Variants in CTDP1 observed in about 807,000 individuals in gnomAD.
CTDP1 encodes RNA polymerase II subunit A C-terminal domain phosphatase.
In CTDP1, 47 loss-of-function variants were observed where a neutral mutation model predicts 91.8. The ratio of observed to expected loss-of-function variants is 0.51; its 90% CI spans 0.41 to 0.65. CTDP1 has a LOEUF of 0.65. Among genes scored for constraint, CTDP1 ranks in the 30% least tolerant of loss-of-function variants. The pLI, the probability that CTDP1 is intolerant of heterozygous loss-of-function variation, is 0.00. For missense variants in CTDP1, 1,272 were observed against 1,373.7 expected (o/e 0.93, Z 1.17); for synonymous variants, 656 against 598.5 (o/e 1.10, Z -1.40).
upstream of CTDP1, chr18:79,679,687 G>C: frequency 3.8e-6 from 2 of 531,460 alleles, no homozygotes; most frequent in South Asian, 3.3e-5. Flanking sequence ...CTTCACGGCC[G>C]GCACGCAGGG....
intron 4 of CTDP1, among the ~76,000 whole-genome samples, chr18:79,698,723 G>A (rs1004119369): frequency 1.3e-4 from 20 of 152,158 alleles, no homozygotes; most frequent in Admixed American, 2.0e-4. Flanking sequence ...GGACTCTGGC[G>A]TTAGATTTGG....
chr18:79,677,843 A>G (rs2085272158), upstream of CTDP1: 1 of 152,160 alleles, frequency 6.6e-6, no homozygotes, highest in Non-Finnish European at 1.5e-5. Flanking sequence ...TTCACCATCC[A>G]GTGGTCTGTA....
chr18:79,705,059 G>A (rs1568186774), intron 5 of CTDP1, 142 bp downstream of exon 5: 6 of 1,321,126 alleles, frequency 4.5e-6, no homozygotes, highest in African/African-American at 1.5e-5. Context: ...TGTGCAGGGG[G>A]TTGTGAGAGG....
intron 12 of CTDP1, among the ~76,000 whole-genome samples, chr18:79,750,925 G>C (rs1445247190): frequency 6.7e-6 from 1 of 149,536 alleles, no homozygotes; most frequent in East Asian, 2.0e-4. Flanking sequence ...GAGCGGGCTG[G>C]ACTCAGAGGC....
chr18:79,681,479 C>T lies in CTDP1; in HGVS notation c.314+1218C>T, dbSNP rs533099515. ...ATCCCTACTGAGGTTTCATTCTGTT[C>T]CTCTGATTGTACAGAAAGGGCTGCT... On this transcript the variant is annotated intron_variant, in intron 1 of 12. Transcript: ENST00000613122. 24 of 985,450 alleles carry T rather than the reference C, an allele frequency of 2.4e-5. No homozygotes were observed. In the African/African-American group the frequency reaches 3.7e-4, roughly 15 times the overall value. The allele number at this position is 985,450 out of a possible 1,614,324, so 61.0% of individuals were successfully genotyped here.
At chr18:79,729,803 G>A (rs568744929) in intron 11 of CTDP1, among the ~76,000 whole-genome samples, 29 of 152,328 alleles carry the variant, frequency 1.9e-4, no homozygotes, top group African/African-American at 6.7e-4. Context: ...CACATCCCAT[G>A]TCCTCCTGTA....
intron 1 of CTDP1, among the ~76,000 whole-genome samples, chr18:79,691,557 CGG>C (rs2085624787): frequency 8.4e-5 from 2 of 23,882 alleles, no homozygotes; most frequent in African/African-American, 3.9e-4. Flanking sequence ...GAGGAGTGGA[CGG>C]CTCCCAGGGT....
intron 12 of CTDP1, among the ~76,000 whole-genome samples, chr18:79,747,164 A>G (rs1355214403): frequency 6.6e-6 from 1 of 152,210 alleles, no homozygotes; most frequent in African/African-American, 2.4e-5. Context: ...TTACCCTAAA[A>G]TAGGTCACTG....
chr18:79,685,802 A>C (rs1229803566), intron 1 of CTDP1, among the ~76,000 whole-genome samples: 2 of 152,178 alleles, frequency 1.3e-5, no homozygotes, highest in Non-Finnish European at 2.9e-5. Flanking sequence ...GGAAATAAGG[A>C]CATTTCGTTT....
intron 12 of CTDP1, among the ~76,000 whole-genome samples, chr18:79,741,445 G>T (rs1009680979): frequency 1.3e-5 from 2 of 152,234 alleles, no homozygotes; most frequent in African/African-American, 4.8e-5. Context: ...AGCACAGCAT[G>T]GTGGGAGCTG....
In CTDP1 at chr18:79,749,388, T is replaced by G. The variant is rs528855398; in HGVS notation, c.2748-4264T>G. ...CCAACCCAGCGTCGCTGTGAGGGAGTCAACCACACCTGCCAGCACCCCCGA... is the reference window on the plus strand; with the variant it reads ...CCAACCCAGCGTCGCTGTGAGGGAGGCAACCACACCTGCCAGCACCCCCGA... On this transcript the variant is annotated intron_variant, in intron 12 of 12. Transcript: ENST00000613122. 3.2e-4 allele frequency among the ~76,000 whole-genome samples: 49 copies of G among 150,846 alleles called. No homozygotes were observed. In the South Asian group the frequency reaches 7.2e-3, roughly 22 times the overall value.
At position 79,753,775 on chromosome 18, in the gene CTDP1, C is replaced by A; in HGVS notation, c.2871C>A (p.Leu957=). ...TGGCCAAGGCGCTGGAGGCGGAGCT[C>A]AACGACCTCATGTGAGCGCGGGCAG... ...DEMAKALEAE[L]NDLM is the part of the protein sequence containing the mutation. Residue 957 remains leucine (L), a synonymous_variant, in exon 13 of 13, where the codon CTC becomes CTA. Coordinates refer to ENST00000613122, the MANE Select transcript of CTDP1 (RefSeq NM_004715.5). 6.2e-7 allele frequency: 1 copy of A among 1,613,602 alleles called. No individual in the cohort carries two copies. Among genetic ancestry groups the A allele is most frequent in the South Asian group, 1.1e-5 (1 of 91,052 alleles).
At position 79,713,956 on chromosome 18, in the gene CTDP1, C is replaced by T. The variant is rs1323815855; in HGVS notation, c.1031-535C>T. On this transcript the variant is annotated intron_variant, in intron 7 of 12. Transcript: ENST00000613122. This position sits in a 1 kb window ranked among gnomAD's most constrained non-coding sequence, Gnocchi z 4.7. ...GCGCCAGGTCTGCAGGGGCTTACGGCCACGGTGGCGCCAGGTCTGCAGGGG... is the reference window on the plus strand; with the variant it reads ...GCGCCAGGTCTGCAGGGGCTTACGGTCACGGTGGCGCCAGGTCTGCAGGGG... 2.2e-5 allele frequency among the ~76,000 whole-genome samples: 3 copies of T among 138,116 alleles called. No individual in the cohort carries two copies. The allele number at this position is 138,116 out of a possible 152,430, so 90.6% of individuals were successfully genotyped here.
chr18:79,720,500 C>T (rs2086321295), intron 10 of CTDP1, among the ~76,000 whole-genome samples: 1 of 150,602 alleles, frequency 6.6e-6, no homozygotes, highest in South Asian at 2.1e-4. Flanking sequence ...ATGTCACCTC[C>T]CATCGTGTCC....
intron 1 of CTDP1, among the ~76,000 whole-genome samples, chr18:79,681,735 C>G (rs973121407): frequency 6.6e-6 from 1 of 152,178 alleles, no homozygotes; most frequent in African/African-American, 2.4e-5. Flanking sequence ...CATTTCTCCT[C>G]AGATGGAGCG....
At chr18:79,724,329 C>A (rs1379493895) in intron 10 of CTDP1, among the ~76,000 whole-genome samples, 1 of 152,130 alleles carries the variant, frequency 6.6e-6, no homozygotes. Context: ...GGATAAATGT[C>A]CAGTGGTAGA....
intron 11 of CTDP1, among the ~76,000 whole-genome samples, chr18:79,729,719 G>A (rs573801735): frequency 7.6e-4 from 116 of 152,320 alleles, no homozygotes; most frequent in South Asian, 1.2e-3. Context: ...ACAACAGTCC[G>A]GATGTTAGGG....
intron 10 of CTDP1, among the ~76,000 whole-genome samples, chr18:79,726,876 GT>G (rs2086456968): frequency 8.9e-6 from 1 of 112,118 alleles, no homozygotes; most frequent in African/African-American, 2.8e-5. Flanking sequence ...TGGGGGTGGG[GT>G]GACGCCGTTG....
chr18:79,680,365 T>C (rs1169491053), intron 1 of CTDP1, 104 bp downstream of exon 1: 2 of 938,840 alleles, frequency 2.1e-6, no homozygotes, highest in Non-Finnish European at 2.8e-6. Flanking sequence ...GCGCCCCTGG[T>C]GAGGGAGCGA....
Sources: allele counts gnomAD v4.1 joint callset (sites outside exome capture counted in the v4.1 genomes callset), GRCh38; gene constraint gnomAD v4.1.1; non-coding constraint Gnocchi (gnomAD v3.1); transcripts MANE v1.5; gene names NCBI Gene and HGNC (gene_info 2026-07-23, HGNC 2026-07-21).